NRG1: variants seen among roughly 807,000 people sequenced by gnomAD.
The protein encoded by NRG1 is neuregulin 1, also known as pro-neuregulin-1, membrane-bound isoform.
NRG1 carries 18 observed loss-of-function variants against 63.8 expected under a neutral mutation model. That is an observed-to-expected ratio of 0.28 (90% CI 0.19 to 0.42). The LOEUF (loss-of-function observed/expected upper bound fraction) is 0.42, where lower values mean the gene tolerates loss of function less well. NRG1 is among the 10% of genes least tolerant of loss of function. The pLI is 1.00. For missense variants in NRG1, 762 were observed against 814.7 expected (o/e 0.94, Z 0.79); for synonymous variants, 302 against 301.3 (o/e 1.00, Z -0.02).
At chr8:32,338,830 C>A (rs911314606) in intron 1 of NRG1, among the ~76,000 whole-genome samples, 1 of 152,066 alleles carries the variant, frequency 6.6e-6, no homozygotes, top group Admixed American at 6.6e-5. Context: ...GAGAATGTTC[C>A]TATTTAAGCT....
At chr8:32,316,746 T>A (rs143884379) in intron 1 of NRG1, among the ~76,000 whole-genome samples, 1 of 152,216 alleles carries the variant, frequency 6.6e-6, no homozygotes, top group Non-Finnish European at 1.5e-5. Context: ...GCATTGCAAT[T>A]AACAGATCTC....
chr8:31,664,977 T>A (rs1261758801), intron 1 of NRG1, among the ~76,000 whole-genome samples: 2 of 152,132 alleles, frequency 1.3e-5, no homozygotes, highest in African/African-American at 4.8e-5. Flanking sequence ...AGGTCATAGA[T>A]AAATGATTTA....
intron 1 of NRG1, chr8:32,061,573 CT>C (rs201894698): frequency 6.6e-6 from 1 of 151,962 alleles, no homozygotes; most frequent in East Asian, 1.9e-4. Context: ...GCCCTATGCC[CT>C]TTCACTGGTG....
chr8:32,388,830 G>A (rs1277693399), intron 1 of NRG1, among the ~76,000 whole-genome samples: 2 of 151,948 alleles, frequency 1.3e-5, no homozygotes, highest in African/African-American at 2.4e-5. Flanking sequence ...TTTTGGGGGG[G>A]AAATAGGAAT....
intron 1 of NRG1, among the ~76,000 whole-genome samples, chr8:32,247,962 G>T (rs575580376): frequency 2.6e-5 from 4 of 152,146 alleles, no homozygotes; most frequent in South Asian, 4.1e-4. Context: ...TGATATTAAA[G>T]ATCTTTTTGA....
chr8:32,166,595 T>C (rs958029478), intron 1 of NRG1, among the ~76,000 whole-genome samples: 4 of 152,142 alleles, frequency 2.6e-5, no homozygotes, highest in African/African-American at 9.7e-5. Flanking sequence ...TTTTCTACCA[T>C]TTTCACCTGG....
chr8:32,192,317 CT>C (rs1842569245), intron 1 of NRG1, among the ~76,000 whole-genome samples: 2 of 152,134 alleles, frequency 1.3e-5, no homozygotes. Flanking sequence ...GCACTATTCA[CT>C]ATAACAAAGA....
intron 1 of NRG1, among the ~76,000 whole-genome samples, chr8:32,534,728 G>C (rs1831786263): frequency 6.6e-6 from 1 of 152,112 alleles, no homozygotes; most frequent in South Asian, 2.1e-4. Context: ...TTTAATCAAT[G>C]TATAAACCAA....
intron 1 of NRG1, among the ~76,000 whole-genome samples, chr8:31,701,817 A>G (rs1226345000): frequency 6.6e-6 from 1 of 152,232 alleles, no homozygotes; most frequent in Non-Finnish European, 1.5e-5. Context: ...ATGCTTCTCA[A>G]ACTTTAGCAA....
At chr8:32,623,773 C>T (rs543241220) in intron 5 of NRG1, among the ~76,000 whole-genome samples, 28 of 152,156 alleles carry the variant, frequency 1.8e-4, no homozygotes, top group East Asian at 3.9e-4. Flanking sequence ...ATACTGCTTG[C>T]GAGTATAATT....
chr8:32,659,881 A>G (rs1323370062), intron 5 of NRG1, among the ~76,000 whole-genome samples: 1 of 152,106 alleles, frequency 6.6e-6, no homozygotes. Flanking sequence ...CTTAGGCCTC[A>G]AGACTCACCT....
At chr8:32,387,077 A>G (rs1298299973) in intron 1 of NRG1, among the ~76,000 whole-genome samples, 1 of 152,232 alleles carries the variant, frequency 6.6e-6, no homozygotes, top group Non-Finnish European at 1.5e-5. Flanking sequence ...GACTTCAGGA[A>G]TAATTTTCAG....
chr8:32,629,652 C>T (rs1165097774), intron 5 of NRG1, among the ~76,000 whole-genome samples: 1 of 152,128 alleles, frequency 6.6e-6, no homozygotes, highest in Admixed American at 6.5e-5. Flanking sequence ...GAAGCATTCA[C>T]ATTCTACCTA....
At chr8:32,718,217 C>T (rs905301624) in intron 5 of NRG1, among the ~76,000 whole-genome samples, 6 of 151,988 alleles carry the variant, frequency 3.9e-5, no homozygotes, top group Admixed American at 2.0e-4. Flanking sequence ...TCCTAGATTG[C>T]GTGAAGAGTA....
At chr8:32,574,928 A>G (rs1409851802) in intron 1 of NRG1, among the ~76,000 whole-genome samples, 1 of 152,236 alleles carries the variant, frequency 6.6e-6, no homozygotes, top group African/African-American at 2.4e-5. Context: ...CCTGTTCAGA[A>G]TGCCAGATTG....
intron 1 of NRG1, among the ~76,000 whole-genome samples, chr8:31,798,487 A>G (rs1429951754): frequency 6.6e-6 from 1 of 152,118 alleles, no homozygotes; most frequent in African/African-American, 2.4e-5. Flanking sequence ...TTTGCCTTTG[A>G]CTGATTTGAA....
intron 1 of NRG1, among the ~76,000 whole-genome samples, chr8:31,708,118 C>T (rs1811333270): frequency 6.6e-6 from 1 of 152,168 alleles, no homozygotes; most frequent in Non-Finnish European, 1.5e-5. Flanking sequence ...GTGAACACCA[C>T]CTTAAGACAC....
chr8:32,391,097 G>T (rs773498969), intron 1 of NRG1, among the ~76,000 whole-genome samples: 10 of 151,932 alleles, frequency 6.6e-5, no homozygotes, highest in Non-Finnish European at 1.0e-4. Context: ...AAATTAGCTT[G>T]GTTTCTGTAT....
At chr8:32,169,497 A>AACTTTTAG (rs1839775557) in intron 1 of NRG1, among the ~76,000 whole-genome samples, 1 of 152,200 alleles carries the variant, frequency 6.6e-6, no homozygotes, top group African/African-American at 2.4e-5. Context: ...GGGATCCAAT[A>AACTTTTAG]GGCTCAAGAA....
Sources: allele counts gnomAD v4.1 joint callset (sites outside exome capture counted in the v4.1 genomes callset), GRCh38; gene constraint gnomAD v4.1.1; transcripts MANE v1.5; gene names NCBI Gene and HGNC (gene_info 2026-07-23, HGNC 2026-07-21).